The following SAXO1 variants were observed in gnomAD, a reference collection of about 807,000 sequenced individuals.
SAXO1 encodes the protein stabilizer of axonemal microtubules 1.
SAXO1 carries 21 observed loss-of-function variants against 17.5 expected under a neutral mutation model. That is an observed-to-expected ratio of 1.20 (90% CI 0.85 to 1.72). The LOEUF is 1.72. Ranked by LOEUF, SAXO1 falls within the 40% of genes most tolerant of loss-of-function variation. The pLI is 0.00. For synonymous variants in SAXO1, 274 were observed against 216.5 expected (o/e 1.27, Z -2.33); for missense variants, 843 against 596.0 (o/e 1.41, Z -4.32).
intron 1 of SAXO1, among the ~76,000 whole-genome samples, chr9:19,042,926 C>A (rs543830503): frequency 2.0e-5 from 3 of 152,336 alleles, no homozygotes; most frequent in East Asian, 3.9e-4. Context: ...AATACCCGCA[C>A]TTTGTGAGGC....
chr9:19,023,069 G>C (rs1237651689), intron 1 of SAXO1, among the ~76,000 whole-genome samples: 1 of 152,100 alleles, frequency 6.6e-6, no homozygotes, highest in African/African-American at 2.4e-5. Flanking sequence ...AGAGTATAAG[G>C]AGTAGATGAA....
chr9:18,959,608 CA>C (rs2131751477), intron 1 of SAXO1, among the ~76,000 whole-genome samples: 1 of 151,912 alleles, frequency 6.6e-6, no homozygotes, highest in African/African-American at 2.4e-5. Context: ...CCATCTCTAC[CA>C]AAAATACAAA....
chr9:19,036,492 C>T (rs1835942396), upstream of SAXO1, among the ~76,000 whole-genome samples: 1 of 152,114 alleles, frequency 6.6e-6, no homozygotes, highest in Non-Finnish European at 1.5e-5. Context: ...GGTCCCCATG[C>T]TGTGTCCAGC....
At chr9:18,942,331 C>G (rs1472287512) in intron 2 of SAXO1, among the ~76,000 whole-genome samples, 1 of 152,158 alleles carries the variant, frequency 6.6e-6, no homozygotes, top group Non-Finnish European at 1.5e-5. Flanking sequence ...TGGCTCCTGC[C>G]TGACTCACCC....
chr9:18,965,521 G>A (rs1832680710), intron 1 of SAXO1, among the ~76,000 whole-genome samples: 1 of 151,732 alleles, frequency 6.6e-6, no homozygotes, highest in African/African-American at 2.4e-5. Context: ...TGTCTTATTT[G>A]ATCTTTGTTG....
upstream of SAXO1, among the ~76,000 whole-genome samples, chr9:19,033,931 C>G (rs946897880): frequency 2.0e-5 from 3 of 152,196 alleles, no homozygotes; most frequent in Non-Finnish European, 4.4e-5. Context: ...GGTTCCTTTA[C>G]ACCCCCTGGA....
rs563320397 is a variant in SAXO1, at chr9:18,982,342, T to G, written c.39-31405A>C. Among the ~76,000 whole-genome samples, 6 of 152,326 alleles carry G rather than the reference T, an allele frequency of 3.9e-5. No homozygotes were observed. In the South Asian group the frequency reaches 6.2e-4, roughly 16 times the overall value. On this transcript the variant is annotated intron_variant, in intron 1 of 3. Transcript: ENST00000380534. The stretch of plus-strand genomic sequence containing the variant: ...TCTTGGAATTCCGAGGCAATTTTTA[T>G]TGGGTAATAAAATTCCCTCCCCAGG...
chr9:18,980,998 C>T lies in SAXO1; in HGVS notation c.39-30061G>A, dbSNP rs147069607. Among the ~76,000 whole-genome samples, 51 of 152,196 alleles carry T rather than the reference C, an allele frequency of 3.4e-4. No homozygotes were observed. In the East Asian group the frequency reaches 4.4e-3, roughly 13 times the overall value. On this transcript the variant is annotated intron_variant, in intron 1 of 3. Transcript: ENST00000380534. ...AAGTGCTAAGGAATAAATTGACGCACGGATTTGTGAAATTCAAATCTGACC... is the reference window on the plus strand; with the variant it reads ...AAGTGCTAAGGAATAAATTGACGCATGGATTTGTGAAATTCAAATCTGACC...
intron 1 of SAXO1, among the ~76,000 whole-genome samples, chr9:18,990,088 T>C (rs763159080): frequency 1.8e-4 from 28 of 152,114 alleles, no homozygotes; most frequent in Non-Finnish European, 1.6e-4. Context: ...CAATGCCACA[T>C]AGGTACGCTC....
intron 1 of SAXO1, among the ~76,000 whole-genome samples, chr9:19,022,285 G>T (rs1010739378): frequency 1.3e-5 from 2 of 152,208 alleles, no homozygotes; most frequent in Non-Finnish European, 1.5e-5. Flanking sequence ...AACATCTGAA[G>T]GAACAAACTC....
intron 1 of SAXO1, among the ~76,000 whole-genome samples, chr9:18,969,662 A>C (rs868636419): frequency 6.6e-6 from 1 of 151,868 alleles, no homozygotes; most frequent in Non-Finnish European, 1.5e-5. Flanking sequence ...ACTATTATAT[A>C]AACAGCTAAG....
intron 1 of SAXO1, among the ~76,000 whole-genome samples, chr9:18,953,703 C>A (rs1185223567): frequency 6.6e-6 from 1 of 152,142 alleles, no homozygotes; most frequent in Admixed American, 6.5e-5. Flanking sequence ...CCCTCATTAA[C>A]CAGGAATCCC....
chr9:18,930,594 G>A (rs1472531906), intron 3 of SAXO1, among the ~76,000 whole-genome samples: 1 of 152,068 alleles, frequency 6.6e-6, no homozygotes, highest in African/African-American at 2.4e-5. Flanking sequence ...CCACCTCCCA[G>A]GTTCAAGCGA....
intron 1 of SAXO1, among the ~76,000 whole-genome samples, chr9:18,957,849 G>C (rs1041710207): frequency 6.6e-6 from 1 of 152,134 alleles, no homozygotes; most frequent in African/African-American, 2.4e-5. Context: ...AAGTGCATTT[G>C]TGTTTACCTG....
chr9:18,937,558 G>A (rs1349085113), intron 3 of SAXO1, among the ~76,000 whole-genome samples: 1 of 152,184 alleles, frequency 6.6e-6, no homozygotes, highest in Non-Finnish European at 1.5e-5. Context: ...AAATTCATGT[G>A]CTGAAACTTA....
chr9:19,011,986 C>T (rs1276999650), intron 1 of SAXO1, among the ~76,000 whole-genome samples: 3 of 151,958 alleles, frequency 2.0e-5, no homozygotes, highest in Non-Finnish European at 2.9e-5. Context: ...GCTGGGACTA[C>T]AGGCGCAGGT....
At chr9:18,939,854 G>C (rs993182539) in intron 3 of SAXO1, among the ~76,000 whole-genome samples, 17 of 152,310 alleles carry the variant, frequency 1.1e-4, no homozygotes, top group African/African-American at 3.8e-4. Context: ...GATTATCTGA[G>C]GAGTTTTATA....
intron 1 of SAXO1, among the ~76,000 whole-genome samples, chr9:19,001,542 C>G (rs1054369308): frequency 3.3e-5 from 5 of 151,966 alleles, no homozygotes; most frequent in African/African-American, 1.2e-4. Context: ...TGGCGGGCAC[C>G]TGTAGTCCCA....
chr9:19,008,032 G>T (rs79771943), intron 1 of SAXO1, among the ~76,000 whole-genome samples: 1 of 150,056 alleles, frequency 6.7e-6, no homozygotes, highest in South Asian at 2.1e-4. Context: ...CAGTGGCACC[G>T]TCTCAGCTCA....
Sources: gnomAD v4.1 joint callset for allele counts (sites outside exome capture counted in the v4.1 genomes callset) on GRCh38, gnomAD v4.1.1 for gene constraint, MANE v1.5 for transcripts, NCBI Gene and HGNC (gene_info 2026-07-23, HGNC 2026-07-21) for gene names.